Variants in SPMIP9 observed in about 807,000 individuals in gnomAD.
SPMIP9 encodes protein SPMIP9.
chr2:88,525,625 C>T, the SPMIP9 span: 1 of 1,614,098 alleles, frequency 6.2e-7, no homozygotes, highest in South Asian at 1.1e-5. Flanking sequence ...AACAACTTGT[C>T]TGTGTCTAGG....
At chr2:88,524,950 C>T in the SPMIP9 span, among the ~76,000 whole-genome samples, 1 of 152,122 alleles carries the variant, frequency 6.6e-6, no homozygotes, top group Admixed American at 6.5e-5. Flanking sequence ...TGCAGCGAGG[C>T]CCTCGCTAGG....
the SPMIP9 span, among the ~76,000 whole-genome samples, chr2:88,525,126 G>A: frequency 6.6e-6 from 1 of 152,150 alleles, no homozygotes; most frequent in Non-Finnish European, 1.5e-5. Flanking sequence ...AAGTGCTGAG[G>A]CCTGGTTCAG....
At chr2:88,527,743 A>G in the SPMIP9 span, among the ~76,000 whole-genome samples, 277 of 152,292 alleles carry the variant, frequency 1.8e-3, 1 homozygote, top group Non-Finnish European at 2.1e-3. Context: ...TGAAGATGAG[A>G]TAAGTCACAT....
At chr2:88,526,273 C>G in the SPMIP9 span, 4 of 700,382 alleles carry the variant, frequency 5.7e-6, no homozygotes, top group African/African-American at 7.1e-5. Flanking sequence ...GGGTCACAGC[C>G]AGATCATTTG....
At chr2:88,525,681 G>A in the SPMIP9 span, 2 of 1,614,172 alleles carry the variant, frequency 1.2e-6, no homozygotes, top group South Asian at 1.1e-5. Context: ...GGTGAGTGAT[G>A]TGGGTTTCTG....
At chr2:88,526,742 A>G in the SPMIP9 span, among the ~76,000 whole-genome samples, 15 of 151,854 alleles carry the variant, frequency 9.9e-5, no homozygotes, top group African/African-American at 3.1e-4. Flanking sequence ...TCGGCTCACT[A>G]CAACCTCTGC....
At chr2:88,526,488 G>A in the SPMIP9 span, 14 of 1,613,746 alleles carry the variant, frequency 8.7e-6, no homozygotes, top group East Asian at 8.9e-5. Flanking sequence ...CCAGGGTCAC[G>A]CCGCAAGAGG....
chr2:88,526,377 C>T, the SPMIP9 span: 2 of 1,562,368 alleles, frequency 1.3e-6, no homozygotes, highest in Non-Finnish European at 1.8e-6. Flanking sequence ...GAGGGAATCT[C>T]TTGTTTTATA....
At chr2:88,527,796 T>C in the SPMIP9 span, among the ~76,000 whole-genome samples, 6 of 152,190 alleles carry the variant, frequency 3.9e-5, no homozygotes, top group Non-Finnish European at 8.8e-5. Context: ...TGGAATTGTT[T>C]GTCATGGAGT....
At chr2:88,526,521 C>T in the SPMIP9 span, 3 of 1,567,760 alleles carry the variant, frequency 1.9e-6, no homozygotes, top group Non-Finnish European at 2.6e-6. Context: ...CAAGTCCTGT[C>T]ATTCAATCAA....
At chr2:88,525,466 C>G in the SPMIP9 span, among the ~76,000 whole-genome samples, 1 of 152,214 alleles carries the variant, frequency 6.6e-6, no homozygotes, top group Non-Finnish European at 1.5e-5. Context: ...CCTGGTATCA[C>G]CACCAACCCC....
the SPMIP9 span, among the ~76,000 whole-genome samples, chr2:88,527,850 C>T: frequency 6.6e-6 from 1 of 152,294 alleles, no homozygotes; most frequent in East Asian, 1.9e-4. Context: ...CACCAATTTA[C>T]ATTATGGCCA....
At chr2:88,525,635 G>A in the SPMIP9 span, 8 of 1,614,196 alleles carry the variant, frequency 5.0e-6, no homozygotes, top group Non-Finnish European at 6.8e-6. Flanking sequence ...CTGTGTCTAG[G>A]TCGTTTGCCA....
chr2:88,526,220 G>C, the SPMIP9 span, among the ~76,000 whole-genome samples: 1 of 152,178 alleles, frequency 6.6e-6, no homozygotes, highest in African/African-American at 2.4e-5. Context: ...GAGGAAGTAA[G>C]GCTGGAGTAG....
chr2:88,528,056 C>T, the SPMIP9 span, among the ~76,000 whole-genome samples: 1 of 150,786 alleles, frequency 6.6e-6, no homozygotes, highest in African/African-American at 2.4e-5. Flanking sequence ...CTGTTTATGT[C>T]TTTTGCTCAT....
At chr2:88,529,442 C>T in the SPMIP9 span, 36 of 1,613,412 alleles carry the variant, frequency 2.2e-5, no homozygotes, top group Middle Eastern at 1.6e-4. Context: ...CATCTTGAAC[C>T]GGTGGGGACC....
chr2:88,526,170 A>G, the SPMIP9 span, among the ~76,000 whole-genome samples: 1 of 152,170 alleles, frequency 6.6e-6, no homozygotes, highest in African/African-American at 2.4e-5. Context: ...CATTTCCATC[A>G]GGAGATAGGA....
the SPMIP9 span, among the ~76,000 whole-genome samples, chr2:88,528,287 A>G: frequency 1.3e-5 from 2 of 150,438 alleles, no homozygotes; most frequent in African/African-American, 5.0e-5. Flanking sequence ...ACAGGCATGC[A>G]CCACGACACC....
At chr2:88,528,937 T>A in the SPMIP9 span, 1 of 1,036,336 alleles carries the variant, frequency 9.6e-7, no homozygotes, top group Non-Finnish European at 1.4e-6. Flanking sequence ...CAAGGACTAA[T>A]TTAAAGTTTT....
Sources: allele counts gnomAD v4.1 joint callset (sites outside exome capture counted in the v4.1 genomes callset), GRCh38; gene constraint gnomAD v4.1.1; transcripts MANE v1.5; gene names NCBI Gene and HGNC (gene_info 2026-07-23, HGNC 2026-07-21).